The following SLC30A8 variants were observed in gnomAD, a reference collection of about 807,000 sequenced individuals.
SLC30A8 encodes solute carrier family 30 member 8, also known as proton-coupled zinc antiporter SLC30A8.
In SLC30A8, 27 loss-of-function variants were observed where a neutral mutation model predicts 36.9. That is an observed-to-expected ratio of 0.73 (90% CI 0.54 to 1.01). The LOEUF (loss-of-function observed/expected upper bound fraction) is 1.01, where lower values mean the gene tolerates loss of function less well. SLC30A8 is among the 50% of genes least tolerant of loss of function. The probability of loss-of-function intolerance (pLI) is 0.00; values close to 1 mark genes in which losing one functional copy is unlikely to be tolerated. For synonymous variants in SLC30A8, 164 were observed against 172.4 expected, an observed-to-expected ratio of 0.95 and a Z score of 0.38; for missense variants, 439 against 452.0, an observed-to-expected ratio of 0.97 and a Z score of 0.26.
chr8:117,072,054 A>G (rs17665329), intron 2 of SLC30A8, among the ~76,000 whole-genome samples: 1,667 of 152,334 alleles, frequency 0.011, 16 homozygotes, highest in Non-Finnish European at 0.02. Flanking sequence ...TATCGGAGGC[A>G]TTAACATACG....
chr8:117,108,023 A>G lies in SLC30A8; in HGVS notation c.-225-27257A>G, dbSNP rs139803693. Among the ~76,000 whole-genome samples, 447 of 152,288 alleles carry G rather than the reference A, an allele frequency of 2.9e-3. 5 individuals are homozygous for G. Among genetic ancestry groups the G allele is most frequent in the African/African-American group, 1.0e-2 (415 of 41,556 alleles). ...AATTTTTTAGGGAAAGAATTCTAGG[A>G]AAGTTTATTGTTTAATATTTATCAA... On this transcript the variant is annotated intron_variant, in intron 2 of 10. Coordinates refer to the SLC30A8 transcript ENST00000427715.
intron 2 of SLC30A8, among the ~76,000 whole-genome samples, chr8:117,115,322 G>C (rs975760786): frequency 1.3e-5 from 2 of 151,952 alleles, no homozygotes; most frequent in African/African-American, 4.8e-5. Flanking sequence ...AATAGCGAAA[G>C]GTTGTCTTTG....
intron 3 of SLC30A8, among the ~76,000 whole-genome samples, chr8:117,155,919 CT>C (rs996315212): frequency 4.9e-4 from 75 of 152,286 alleles, no homozygotes; most frequent in African/African-American, 1.5e-3. Context: ...CAGGTTTCCA[CT>C]TTAAACAAGG....
intron 1 of SLC30A8, among the ~76,000 whole-genome samples, chr8:116,986,881 A>G (rs1371516305): frequency 6.6e-6 from 1 of 152,204 alleles, no homozygotes. Flanking sequence ...AAACGTTTCT[A>G]CTTTGTATAT....
At chr8:117,096,404 T>A (rs1775916419) in intron 2 of SLC30A8, among the ~76,000 whole-genome samples, 1 of 152,164 alleles carries the variant, frequency 6.6e-6, no homozygotes, top group Admixed American at 6.5e-5. Context: ...CTGTTCCACA[T>A]CTCACATGCC....
intron 1 of SLC30A8, among the ~76,000 whole-genome samples, chr8:117,138,585 A>G (rs1313109095): frequency 5.9e-5 from 9 of 151,946 alleles, no homozygotes; most frequent in Admixed American, 4.6e-4. Flanking sequence ...CAGAAATTCT[A>G]TTCATTGTAG....
intron 2 of SLC30A8, among the ~76,000 whole-genome samples, chr8:117,149,935 G>A (rs909710131): frequency 1.6e-4 from 25 of 152,074 alleles, no homozygotes; most frequent in South Asian, 4.1e-4. Context: ...ACTCACTCCC[G>A]CCAGGACCAT....
chr8:117,107,669 C>T lies in SLC30A8; in HGVS notation c.-225-27611C>T, dbSNP rs377101866. On this transcript the variant is annotated intron_variant, in intron 2 of 10. Transcript: ENST00000427715. ...ATCATTCCTATGAGAGGTGAGTCAT[C>T]CATCCATTGCTATAAGAGAACCAAA... Among the ~76,000 whole-genome samples, 3 of 152,154 alleles carry T rather than the reference C, an allele frequency of 2.0e-5. No homozygotes were observed. In the South Asian group the frequency reaches 6.2e-4, roughly 32 times the overall value.
chr8:117,147,153 GGTGA>G lies in SLC30A8; in HGVS notation c.271+3_271+6del. The G allele has an allele frequency of 6.2e-7, 1 of 1,613,162 alleles. No homozygotes were observed. The highest frequency in any genetic ancestry group is 8.5e-7 in the Non-Finnish European group (1 of 1,179,744). On this transcript the variant is annotated splice_donor_variant and splice_donor_region_variant and intron_variant, in intron 2 of 7. Coordinates refer to ENST00000456015, the MANE Select transcript of SLC30A8 (RefSeq NM_173851.3). LOFTEE classifies it high-confidence loss of function. ...CATTTTCATGATTGCAGAGGTCGTGGGTGAGTCTTTCTGCAGACTTTTTTCATTA... is the reference window on the plus strand; with the variant it reads ...CATTTTCATGATTGCAGAGGTCGTGGGTCTTTCTGCAGACTTTTTTCATTA...
intron 1 of SLC30A8, among the ~76,000 whole-genome samples, chr8:117,002,960 T>C (rs1816060548): frequency 6.6e-6 from 1 of 152,190 alleles, no homozygotes; most frequent in Admixed American, 6.5e-5. Context: ...TTTTGAAATA[T>C]TTTATCATGC....
intron 1 of SLC30A8, among the ~76,000 whole-genome samples, chr8:117,137,066 T>G (rs1225701122): frequency 6.6e-6 from 1 of 151,996 alleles, no homozygotes; most frequent in Non-Finnish European, 1.5e-5. Flanking sequence ...ACAACAGAAC[T>G]GGGCTGTGGA....
chr8:117,128,108 T>G (rs1370209257), intron 2 of SLC30A8, among the ~76,000 whole-genome samples: 2 of 152,042 alleles, frequency 1.3e-5, no homozygotes, highest in Non-Finnish European at 1.5e-5. Context: ...AGCAATTACC[T>G]GAGTTATCTC....
chr8:117,116,919 T>C (rs1820467296), intron 2 of SLC30A8, among the ~76,000 whole-genome samples: 1 of 152,036 alleles, frequency 6.6e-6, no homozygotes, highest in South Asian at 2.1e-4. Flanking sequence ...GAGCCCTTCT[T>C]AGAAGTCCTG....
chr8:117,136,770 C>T (rs1586571341), intron 1 of SLC30A8, among the ~76,000 whole-genome samples: 1 of 151,978 alleles, frequency 6.6e-6, no homozygotes, highest in East Asian at 1.9e-4. Flanking sequence ...ACAATATTTC[C>T]CTTCTTATTA....
intron 1 of SLC30A8, among the ~76,000 whole-genome samples, chr8:117,141,150 T>C (rs1391090911): frequency 3.3e-5 from 5 of 152,170 alleles, no homozygotes; most frequent in African/African-American, 1.2e-4. Flanking sequence ...ATAGAAGAGG[T>C]GTAAATACAC....
intron 1 of SLC30A8, among the ~76,000 whole-genome samples, chr8:116,954,823 C>G (rs920879923): frequency 6.6e-6 from 1 of 151,904 alleles, no homozygotes; most frequent in Non-Finnish European, 1.5e-5. Flanking sequence ...AATGGATAGC[C>G]AAATAAGAGT....
rs1157482546 is a variant in SLC30A8 at position 117,173,652 on chromosome 8, G to A, written c.*971G>A. 6.6e-6 allele frequency: 1 copy of A among 152,146 alleles called. No individual in the cohort carries two copies. Among genetic ancestry groups the A allele is most frequent in the Non-Finnish European group, 1.5e-5 (1 of 68,006 alleles). The allele number at this position is 152,146 out of a possible 1,614,324, so 9.4% of individuals were successfully genotyped here. A position where few individuals can be genotyped will look rare whatever the true frequency, so the allele number is the denominator to read the frequency against. ...GTAGCAACTCAACACTATCTGTGGA[G>A]AGTAAACTGAAGATGTGCAGGCCAA... On this transcript the variant is annotated 3_prime_UTR_variant, in exon 8 of 8. Coordinates refer to ENST00000456015, the MANE Select transcript of SLC30A8 (RefSeq NM_173851.3).
At chr8:117,128,085 G>A (rs1388430963) in intron 2 of SLC30A8, among the ~76,000 whole-genome samples, 1 of 152,026 alleles carries the variant, frequency 6.6e-6, no homozygotes, top group Non-Finnish European at 1.5e-5. Flanking sequence ...AGAACGTGGC[G>A]ATTGTTGGGT....
chr8:117,037,937 G>C (rs1817267244), intron 1 of SLC30A8, among the ~76,000 whole-genome samples: 1 of 152,140 alleles, frequency 6.6e-6, no homozygotes, highest in Admixed American at 6.5e-5. Context: ...CTTCCTTTTG[G>C]GGAAGTAGCT....
Sources: allele counts gnomAD v4.1 joint callset (sites outside exome capture counted in the v4.1 genomes callset), GRCh38; gene constraint gnomAD v4.1.1; transcripts MANE v1.5; gene names NCBI Gene and HGNC (gene_info 2026-07-23, HGNC 2026-07-21).